Variants in DLGAP2 observed in about 807,000 individuals in gnomAD.
The protein encoded by DLGAP2 is disks large-associated protein 2.
Under a neutral mutation model 100.3 loss-of-function variants are expected in DLGAP2, and 26 were observed. The ratio of observed to expected loss-of-function variants is 0.26; its 90% CI spans 0.19 to 0.36. The LOEUF is 0.36. Ranked by LOEUF, DLGAP2 falls within the 10% of genes least tolerant of loss-of-function variation. DLGAP2 has a pLI of 1.00. For synonymous variants in DLGAP2, 886 were observed against 630.1 expected, an observed-to-expected ratio of 1.41 and a Z score of -6.08; for missense variants, 1,858 against 1,453.2, an observed-to-expected ratio of 1.28 and a Z score of -4.53.
intron 2 of DLGAP2, among the ~76,000 whole-genome samples, chr8:935,138 G>C: frequency 6.6e-6 from 1 of 152,246 alleles, no homozygotes; most frequent in Non-Finnish European, 1.5e-5. Context: ...CGCAGGGGAC[G>C]CTGAGGCGGC....
chr8:1,421,470 G>A (rs7816367), intron 3 of DLGAP2, among the ~76,000 whole-genome samples: 119,571 of 152,146 alleles, frequency 0.79, 47,344 homozygotes, highest in East Asian at 1. Context: ...ATCTGAAAAT[G>A]CATAGAATCA....
intron 1 of DLGAP2, among the ~76,000 whole-genome samples, chr8:849,660 G>T (rs1402950528): frequency 1.3e-5 from 2 of 152,148 alleles, no homozygotes; most frequent in East Asian, 1.9e-4. Flanking sequence ...GTGGAGAGTT[G>T]TATCTCTTTC....
rs781608765 is a variant in DLGAP2 at position 1,701,239 on chromosome 8, T to C, written c.3001T>C (p.Phe1001Leu). The C allele has an allele frequency of 7.0e-6, 11 of 1,578,944 alleles. No homozygotes were observed. Among genetic ancestry groups the C allele is most frequent in the Non-Finnish European group, 8.6e-6 (10 of 1,163,110 alleles). ...ACCAAAGAAGCCTCCCAAGGGGAAGTTTCCCATCACAAGAGAAAAATCCCT... is the reference window on the plus strand; with the variant it reads ...ACCAAAGAAGCCTCCCAAGGGGAAGCTTCCCATCACAAGAGAAAAATCCCT... ...PIPKKPPKGKFPITREKSLDL... is the reference protein window; with the variant it reads ...PIPKKPPKGKLPITREKSLDL... Residue 1001 changes from phenylalanine to leucine, a missense_variant, in exon 15 of 15, where the codon TTT becomes CTT. Transcript: ENST00000637795.
chr8:769,865 A>G (rs1257941741), intron 1 of DLGAP2, among the ~76,000 whole-genome samples: 1 of 152,134 alleles, frequency 6.6e-6, no homozygotes, highest in Non-Finnish European at 1.5e-5. Flanking sequence ...GGAAAACATG[A>G]AAGATGGAGT....
chr8:1,017,776 C>G (rs992900570), intron 2 of DLGAP2, among the ~76,000 whole-genome samples: 1 of 151,974 alleles, frequency 6.6e-6, no homozygotes, highest in African/African-American at 2.4e-5. Flanking sequence ...GTAGACTCGT[C>G]TGAGTGCAAG....
At chr8:1,452,534 T>A (rs1348825381) in intron 3 of DLGAP2, among the ~76,000 whole-genome samples, 1 of 152,108 alleles carries the variant, frequency 6.6e-6, no homozygotes, top group Non-Finnish European at 1.5e-5. Flanking sequence ...CACTGGGCGC[T>A]CCGGGGAGAG....
intron 12 of DLGAP2, among the ~76,000 whole-genome samples, chr8:1,687,101 AC>A (rs1334770565): frequency 6.6e-6 from 1 of 152,148 alleles, no homozygotes; most frequent in Non-Finnish European, 1.5e-5. Context: ...GCTTAGGCAG[AC>A]CCCACTACAA....
chr8:1,549,009 A>G lies in DLGAP2; in HGVS notation c.556A>G (p.Asn186Asp), dbSNP rs1801658161. The part of the protein sequence containing the change: ...CAVAHAGAKI[N>D]RIPANLLDQF... ...TGTGGCCCACGCGGGCGCCAAGATC[A>G]ACCGCATCCCGGCCAACCTGCTGGA... is the stretch of plus-strand genomic sequence containing the variant. The change falls in exon 5 of 15, where the codon AAC becomes GAC. Residue 186 changes from asparagine to aspartate, a missense_variant. By Grantham distance (23) the Asn-to-Asp change is conservative. Coordinates refer to ENST00000637795, the MANE Select transcript of DLGAP2 (RefSeq NM_001346810.2). 6.3e-7 allele frequency: 1 copy of G among 1,598,564 alleles called. No individual in the cohort carries two copies. The highest frequency in any genetic ancestry group is 8.5e-7 in the Non-Finnish European group (1 of 1,178,384).
At chr8:756,205 T>G (rs1820916369) in intron 1 of DLGAP2, among the ~76,000 whole-genome samples, 1 of 151,930 alleles carries the variant, frequency 6.6e-6, no homozygotes, top group African/African-American at 2.4e-5. Context: ...AGCTGGCGTC[T>G]GGGGGGGATA....
At chr8:960,120 A>G (rs1273465650) in intron 2 of DLGAP2, among the ~76,000 whole-genome samples, 1 of 151,030 alleles carries the variant, frequency 6.6e-6, no homozygotes, top group African/African-American at 2.4e-5. Flanking sequence ...AGTCACGGTT[A>G]TGTTTCCAAA....
intron 3 of DLGAP2, among the ~76,000 whole-genome samples, chr8:1,374,604 A>T (rs142123003): frequency 6.6e-6 from 1 of 152,200 alleles, no homozygotes; most frequent in Non-Finnish European, 1.5e-5. Context: ...TGATGTAACC[A>T]TGTGGCAGAC....
intron 2 of DLGAP2, among the ~76,000 whole-genome samples, chr8:1,218,427 T>G (rs1205226666): frequency 6.6e-6 from 1 of 152,214 alleles, no homozygotes; most frequent in Non-Finnish European, 1.5e-5. Flanking sequence ...GGGGGTTCTC[T>G]ATCCCGTTCC....
intron 3 of DLGAP2, among the ~76,000 whole-genome samples, chr8:1,442,397 C>T (rs1405192472): frequency 1.4e-5 from 2 of 147,824 alleles, no homozygotes; most frequent in Non-Finnish European, 3.0e-5. Context: ...GAGACGGATC[C>T]GGGCATAGAC....
intron 3 of DLGAP2, among the ~76,000 whole-genome samples, chr8:1,274,644 A>G (rs960002501): frequency 6.7e-6 from 1 of 150,042 alleles, no homozygotes; most frequent in Admixed American, 6.6e-5. Flanking sequence ...AACATAAACC[A>G]TAAAATGAGT....
intron 3 of DLGAP2, among the ~76,000 whole-genome samples, chr8:1,448,382 T>G (rs1226505790): frequency 2.6e-5 from 4 of 152,224 alleles, no homozygotes; most frequent in African/African-American, 9.7e-5. Flanking sequence ...TCAGTTTCCA[T>G]GTAGTTGAGT....
intron 8 of DLGAP2, among the ~76,000 whole-genome samples, chr8:1,661,567 A>G (rs1798409537): frequency 2.0e-5 from 3 of 152,204 alleles, no homozygotes; most frequent in Admixed American, 2.0e-4. Context: ...AAATGTAACC[A>G]TGTATGGGAA....
At chr8:960,116 G>T (rs772503384) in intron 2 of DLGAP2, among the ~76,000 whole-genome samples, 1 of 151,828 alleles carries the variant, frequency 6.6e-6, no homozygotes, top group African/African-American at 2.4e-5. Context: ...TGTTAGTCAC[G>T]GTTATGTTTC....
intron 1 of DLGAP2, among the ~76,000 whole-genome samples, chr8:824,007 C>T (rs1796637517): frequency 6.6e-6 from 1 of 151,934 alleles, no homozygotes; most frequent in Non-Finnish European, 1.5e-5. Flanking sequence ...CCGAAAGGAT[C>T]CTGGGACAAC....
intron 1 of DLGAP2, among the ~76,000 whole-genome samples, chr8:896,688 G>A (rs1188472390): frequency 6.6e-6 from 1 of 152,082 alleles, no homozygotes; most frequent in Non-Finnish European, 1.5e-5. Flanking sequence ...GGGAGGGCAT[G>A]GCAGGAAGGC....
Sources: allele counts gnomAD v4.1 joint callset (sites outside exome capture counted in the v4.1 genomes callset), GRCh38; gene constraint gnomAD v4.1.1; transcripts MANE v1.5; gene names NCBI Gene and HGNC (gene_info 2026-07-23, HGNC 2026-07-21).